Variants in BEND7 observed in about 807,000 individuals in gnomAD.
The protein encoded by BEND7 is BEN domain-containing protein 7.
Under a neutral mutation model 50.9 loss-of-function variants are expected in BEND7, and 28 were observed. That is an observed-to-expected ratio of 0.55 (90% CI 0.41 to 0.75). The LOEUF (loss-of-function observed/expected upper bound fraction) is 0.75. BEND7 is among the 30% of genes least tolerant of loss of function. The pLI is 0.00. For missense variants in BEND7, 477 were observed against 491.3 expected, an observed-to-expected ratio of 0.97 and a Z score of 0.28; for synonymous variants, 170 against 183.9, an observed-to-expected ratio of 0.92 and a Z score of 0.61.
rs1588902492 is a variant in BEND7, at chr10:13,488,460, C to A, written c.837+4151G>T. On this transcript the variant is annotated intron_variant, in intron 5 of 8. Transcript: ENST00000466271. ...TTGGTAGAGTATTGGGTTGTGAACT[C>A]ATGAAGAAAGAATTAAATACTGTAT... Among the ~76,000 whole-genome samples the A allele has an allele frequency of 2.6e-5, 4 of 152,050 alleles. No homozygotes were observed. The South Asian group carries it at 8.3e-4, about 32-fold the overall frequency.
intron 4 of BEND7, among the ~76,000 whole-genome samples, chr10:13,493,246 G>C (rs933204842): frequency 6.6e-6 from 1 of 152,122 alleles, no homozygotes; most frequent in Non-Finnish European, 1.5e-5. Context: ...AGATAGAGAC[G>C]GCTGTGCTTC....
intron 4 of BEND7, 94 bp from the exon 5 acceptor site, chr10:13,492,970 C>T (rs550347610): frequency 6.3e-6 from 9 of 1,418,744 alleles, no homozygotes; most frequent in African/African-American, 1.5e-5. Flanking sequence ...AAACTGAAAC[C>T]GAAACGAGGA....
chr10:13,444,701 A>T (rs1835916195), intron 8 of BEND7: 1 of 152,268 alleles, frequency 6.6e-6, no homozygotes, highest in South Asian at 2.1e-4. Context: ...CATTCAAAGA[A>T]GCCAACCAGA....
rs777433434 is a variant in BEND7, at chr10:13,496,753, C to G, written c.571+13G>C. 6.2e-7 allele frequency: 1 copy of G among 1,610,038 alleles called. No individual in the cohort carries two copies. The highest frequency in any genetic ancestry group is 8.5e-7 in the Non-Finnish European group (1 of 1,178,726). On this transcript the variant is annotated intron_variant, in intron 4 of 8. Coordinates refer to ENST00000466271, the MANE Select transcript of BEND7 (RefSeq NM_001369863.1). ...AAAATCAAAGGACTCATTCCGAGGC[C>G]TGATCCTTGTACCTGCTTGAATTTG...
chr10:13,507,111 G>T (rs1204967899), intron 2 of BEND7, among the ~76,000 whole-genome samples: 1 of 152,104 alleles, frequency 6.6e-6, no homozygotes, highest in Non-Finnish European at 1.5e-5. Flanking sequence ...TAATTTAGGG[G>T]GTGGAGGACA....
At chr10:13,456,758 G>A (rs546688739) in intron 6 of BEND7, among the ~76,000 whole-genome samples, 2 of 152,236 alleles carry the variant, frequency 1.3e-5, no homozygotes, top group Admixed American at 6.5e-5. Context: ...AAGAACTCAA[G>A]CATTTGATAA....
intron 6 of BEND7, among the ~76,000 whole-genome samples, chr10:13,468,249 G>C (rs1396883559): frequency 2.0e-5 from 3 of 152,176 alleles, no homozygotes; most frequent in African/African-American, 7.2e-5. Flanking sequence ...AATCAGTACA[G>C]GTTAGGGCAT....
chr10:13,467,349 T>C (rs1015935306), intron 6 of BEND7, among the ~76,000 whole-genome samples: 1 of 152,198 alleles, frequency 6.6e-6, no homozygotes, highest in African/African-American at 2.4e-5. Context: ...ACATTTAGCC[T>C]AACTATGGAT....
chr10:13,441,258 C>T lies in BEND7; in HGVS notation c.*485G>A. On this transcript the variant is annotated 3_prime_UTR_variant, in exon 9 of 9. Coordinates refer to ENST00000466271, the MANE Select transcript of BEND7 (RefSeq NM_001369863.1). Reference sequence around the variant, plus strand: ...TCTAAATATTTACATATTAATAAAACATATATACAGAAGATTGAGACATTA... The same window carrying T: ...TCTAAATATTTACATATTAATAAAATATATATACAGAAGATTGAGACATTA... 5 of 909,878 alleles carry T rather than the reference C, an allele frequency of 5.5e-6. No individual in the cohort carries two copies. The highest frequency in any genetic ancestry group is 6.6e-6 in the Non-Finnish European group (5 of 761,394). The allele number at this position is 909,878 out of a possible 1,614,324, so 56.4% of individuals were successfully genotyped here. A position where few individuals can be genotyped will look rare whatever the true frequency, so the allele number is the denominator to read the frequency against.
chr10:13,500,743 G>A (rs2077382820), intron 2 of BEND7: 1 of 985,424 alleles, frequency 1.0e-6, no homozygotes, highest in African/African-American at 1.7e-5. Flanking sequence ...AAGCGAGGGG[G>A]TTTTGTCTTT....
At chr10:13,455,222 G>A (rs1445729711) in intron 6 of BEND7, among the ~76,000 whole-genome samples, 2 of 152,054 alleles carry the variant, frequency 1.3e-5, no homozygotes, top group South Asian at 2.1e-4. Flanking sequence ...GAGAGAGAAC[G>A]TTCACCAGAG....
rs1271195557 is a variant in BEND7, at chr10:13,441,219, GTAA to G, written c.*521_*523del. 1.1e-6 allele frequency: 1 copy of G among 922,184 alleles called. No individual in the cohort carries two copies. Among genetic ancestry groups the G allele is most frequent in the African/African-American group, 1.8e-5 (1 of 55,758 alleles). The allele number at this position is 922,184 out of a possible 1,614,324, so 57.1% of individuals were successfully genotyped here. A position where few individuals can be genotyped will look rare whatever the true frequency, so the allele number is the denominator to read the frequency against. On this transcript the variant is annotated 3_prime_UTR_variant, in exon 9 of 9. Transcript: ENST00000466271. ...ATTGAATTCTTTTTTAAAGAACATA[GTAA>G]TTTTAAAAAATCTAAATATTTACAT...
At chr10:13,473,671 C>T (rs577359722) in intron 6 of BEND7, among the ~76,000 whole-genome samples, 130 of 149,954 alleles carry the variant, frequency 8.7e-4, no homozygotes, top group South Asian at 5.7e-3. Context: ...TATCCATCAT[C>T]GCTGTTGGAC....
chr10:13,457,736 T>A (rs900861364), intron 6 of BEND7, among the ~76,000 whole-genome samples: 3 of 152,204 alleles, frequency 2.0e-5, no homozygotes, highest in Non-Finnish European at 2.9e-5. Flanking sequence ...GGAGACAGAA[T>A]GCATTTTTGC....
At chr10:13,470,315 AGT>A (rs1471366095) in intron 6 of BEND7, among the ~76,000 whole-genome samples, 1 of 152,262 alleles carries the variant, frequency 6.6e-6, no homozygotes, top group African/African-American at 2.4e-5. Flanking sequence ...ACAAATCGAC[AGT>A]GTCCACAACG....
intron 2 of BEND7, among the ~76,000 whole-genome samples, chr10:13,525,261 G>A (rs4750373): frequency 0.98 from 148,582 of 152,294 alleles, 72,565 homozygotes; most frequent in Non-Finnish European, 1. Flanking sequence ...AAAATCTTAC[G>A]TGGTTTCATT....
intron 2 of BEND7, among the ~76,000 whole-genome samples, chr10:13,519,023 A>G (rs2132629798): frequency 6.6e-6 from 1 of 152,284 alleles, no homozygotes; most frequent in Admixed American, 6.5e-5. Context: ...AAACAACCAC[A>G]TTTCAATGTG....
At chr10:13,506,720 AACGTCAGTCTACCAGG>A (rs2077921258) in intron 2 of BEND7, among the ~76,000 whole-genome samples, 1 of 152,172 alleles carries the variant, frequency 6.6e-6, no homozygotes, top group African/African-American at 2.4e-5. Flanking sequence ...TGTGAATGGC[AACGTCAGTCTACCAGG>A]ATTTTCAGGA....
In BEND7 at chr10:13,489,762, G is replaced by A. The variant is rs1239036635; in HGVS notation, c.837+2849C>T. 1.8e-4 allele frequency among the ~76,000 whole-genome samples: 28 copies of A among 152,170 alleles called. 1 individual carries two copies. The highest frequency in any genetic ancestry group is 1.8e-3 in the Admixed American group (27 of 15,278). ...GAAGGGGAGTAGGTGGGTACAGAGA[G>A]GAGGAACAGGAAAAAACAAGTAAAC... is the stretch of plus-strand genomic sequence containing the variant. On this transcript the variant is annotated intron_variant, in intron 5 of 8. Coordinates refer to ENST00000466271, the MANE Select transcript of BEND7 (RefSeq NM_001369863.1).
Sources: gnomAD v4.1 joint callset for allele counts (sites outside exome capture counted in the v4.1 genomes callset) on GRCh38, gnomAD v4.1.1 for gene constraint, MANE v1.5 for transcripts, NCBI Gene and HGNC (gene_info 2026-07-23, HGNC 2026-07-21) for gene names.